Variants in SOS2 observed in about 807,000 individuals in gnomAD.
SOS2 encodes the protein son of sevenless homolog 2.
A neutral mutation model predicts 148.2 loss-of-function variants in SOS2; 65 were observed. The ratio of observed to expected loss-of-function variants is 0.44; its 90% CI spans 0.36 to 0.54. The LOEUF (loss-of-function observed/expected upper bound fraction) is 0.54. Among genes scored for constraint, SOS2 ranks in the 20% least tolerant of loss-of-function variants. The pLI is 0.00. For synonymous variants in SOS2, 539 were observed against 537.1 expected (o/e 1.00, Z -0.05); for missense variants, 1,341 against 1,590.2 (o/e 0.84, Z 2.67).
At chr14:50,160,845 C>T (rs947670540) in intron 9 of SOS2, among the ~76,000 whole-genome samples, 4 of 151,878 alleles carry the variant, frequency 2.6e-5, no homozygotes, top group Admixed American at 6.6e-5. Context: ...ACAAAAAATA[C>T]AAAAATTAGG....
intron 18 of SOS2, among the ~76,000 whole-genome samples, chr14:50,134,933 C>T (rs1239941265): frequency 6.6e-6 from 1 of 151,370 alleles, no homozygotes; most frequent in African/African-American, 2.4e-5. Flanking sequence ...ATTAGCTGGG[C>T]GTGGTGGCGC....
intron 4 of SOS2, among the ~76,000 whole-genome samples, chr14:50,189,859 T>TA (rs1034869228): frequency 3.8e-4 from 58 of 151,626 alleles, no homozygotes; most frequent in Non-Finnish European, 6.5e-4. Context: ...TATTTTTTTT[T>TA]TTTTTGTGAG....
In SOS2 at chr14:50,130,614, T is replaced by C. The variant is rs1446775031; in HGVS notation, c.3224A>G (p.Glu1075Gly). The C allele has an allele frequency of 6.2e-7, 1 of 1,614,150 alleles. No homozygotes were observed. The highest frequency in any genetic ancestry group is 1.7e-5 in the Admixed American group (1 of 60,006). The change falls in exon 20 of 23, where the codon GAG becomes GGG. Residue 1075 changes from glutamate to glycine, a missense_variant. Transcript: ENST00000216373. Reference sequence around the variant, plus strand: ...TGGTGCTGACACTGTTGATTCCAGCTCAGTTTCAGCAATCCGACTAAAGCT... The same window carrying C: ...TGGTGCTGACACTGTTGATTCCAGCCCAGTTTCAGCAATCCGACTAAAGCT... Reference protein sequence around the residue: ...KISFSRIAETELESTVSAPTS... With the variant: ...KISFSRIAETGLESTVSAPTS...
At position 50,207,388 on chromosome 14, in the gene SOS2, G is replaced by A. The variant is rs189490447; in HGVS notation, c.88-2979C>T. 4.4e-4 allele frequency among the ~76,000 whole-genome samples: 67 copies of A among 152,126 alleles called. No individual in the cohort carries two copies. In the East Asian group the frequency reaches 0.01, roughly 24 times the overall value. Reference sequence around the variant, plus strand: ...TAGCTGGGCATGGTGGCATATGCCTGTAGTCCCAGCTACTCAGAAGGCTAA... The same window carrying A: ...TAGCTGGGCATGGTGGCATATGCCTATAGTCCCAGCTACTCAGAAGGCTAA... On this transcript the variant is annotated intron_variant, in intron 1 of 22. Transcript: ENST00000216373.
chr14:50,207,104 GA>G (rs1444457308), intron 1 of SOS2, among the ~76,000 whole-genome samples: 2 of 152,102 alleles, frequency 1.3e-5, no homozygotes, highest in African/African-American at 4.8e-5. Context: ...AAACATAAAG[GA>G]AGCAATACAA....
intron 21 of SOS2, among the ~76,000 whole-genome samples, chr14:50,124,360 T>C (rs956743542): frequency 6.6e-6 from 1 of 152,194 alleles, no homozygotes. Flanking sequence ...TGAATCTTCA[T>C]GCATGTAACT....
At position 50,139,993 on chromosome 14, in the gene SOS2, T is replaced by C; in HGVS notation, c.2734A>G (p.Lys912Glu). Residue 912 changes from lysine (K) to glutamate (E), a missense_variant, in exon 17 of 23, where the codon AAA (lysine) becomes GAA (glutamate). This residue lies in a region of SOS2 where 408 missense variants were observed against 506.6 expected (regional missense o/e 0.81). Coordinates refer to ENST00000216373, the MANE Select transcript of SOS2 (RefSeq NM_006939.4). ...AVELSQDHFK[K>E]YLVKLKSINP... ...ATTGACTTAAGTTTTACTAGGTATT[T>C]TTTAAAGTGATCTTGACTTAATTCC... is the stretch of plus-strand genomic sequence containing the variant. 6.2e-7 allele frequency: 1 copy of C among 1,609,712 alleles called. No individual in the cohort carries two copies. The highest frequency in any genetic ancestry group is 1.7e-4 in the Middle Eastern group (1 of 6,036).
chr14:50,160,379 C>CTTTTTTTTTTTTTTTTTTTTTTT, intron 9 of SOS2, among the ~76,000 whole-genome samples: 1 of 78,852 alleles, frequency 1.3e-5, no homozygotes, highest in Non-Finnish European at 2.4e-5. Context: ...CAATGCTAAT[C>CTTTTTTTTTTTTTTTTTTTTTTT]TTTTTTTTTT....
chr14:50,120,117 G>A (rs1256428326), intron 22 of SOS2, among the ~76,000 whole-genome samples, 158 bp downstream of exon 22: 1 of 152,092 alleles, frequency 6.6e-6, no homozygotes, highest in Non-Finnish European at 1.5e-5. Context: ...GTTTTTATAA[G>A]GATTAAACAA....
chr14:50,227,562 C>T (rs939239036), intron 1 of SOS2, among the ~76,000 whole-genome samples: 13 of 152,062 alleles, frequency 8.5e-5, no homozygotes, highest in East Asian at 1.9e-4. Flanking sequence ...TACAGGCGTC[C>T]GCCACCACGC....
intron 2 of SOS2, among the ~76,000 whole-genome samples, chr14:50,203,617 CAT>C (rs1886570245): frequency 2.0e-5 from 3 of 151,514 alleles, no homozygotes; most frequent in African/African-American, 4.9e-5. Context: ...TACACACACA[CAT>C]ACATATACAT....
chr14:50,158,607 G>T lies in SOS2; in HGVS notation c.1892C>A (p.Ser631Ter). ...CAGCAATTCCTGTGGTTTACAAAAT[G>T]AACGATATGTGGTAAGAAAAGTACG... ...FVRTFLTTYR[S>*]FCKPQELLSL... is the part of the protein sequence containing the mutation. Residue 631 changes from serine (S) to a stop codon, truncating the protein, a stop_gained, in exon 11 of 23, where the codon TCA becomes TAA. Coordinates refer to ENST00000216373, the MANE Select transcript of SOS2 (RefSeq NM_006939.4). LOFTEE classifies it high-confidence loss of function. 1.2e-6 allele frequency: 2 copies of T among 1,609,486 alleles called. No homozygotes were observed. Among genetic ancestry groups the T allele is most frequent in the South Asian group, 2.2e-5 (2 of 90,308 alleles).
rs1464976464 is a variant in SOS2 at position 50,153,250 on chromosome 14, T to G, written c.2058-77A>C. On this transcript the variant is annotated intron_variant, in intron 12 of 22. Coordinates refer to ENST00000216373, the MANE Select transcript of SOS2 (RefSeq NM_006939.4). ...ACTTCTTCCTTCTCTAATGCCACGATAATAGCTTTACATACAAGGGTCAAC... is the reference window on the plus strand; with the variant it reads ...ACTTCTTCCTTCTCTAATGCCACGAGAATAGCTTTACATACAAGGGTCAAC... 14 of 770,040 alleles carry G rather than the reference T, an allele frequency of 1.8e-5. No individual in the cohort carries two copies. The Admixed American group carries it at 3.0e-4, about 16-fold the overall frequency. 47.7% of individuals were successfully genotyped at this position (770,040 alleles called of 1,614,324 possible).
chr14:50,138,515 G>C (rs1341162009), intron 18 of SOS2, 97 bp downstream of exon 18: 4 of 550,406 alleles, frequency 7.3e-6, no homozygotes, highest in Admixed American at 3.2e-5. Flanking sequence ...TAGTCACCCT[G>C]TTGTGCGATC....
At chr14:50,205,906 T>C (rs1886645176) in intron 1 of SOS2, among the ~76,000 whole-genome samples, 1 of 81,992 alleles carries the variant, frequency 1.2e-5, no homozygotes, top group Admixed American at 9.7e-5. Flanking sequence ...GGCAACTCCA[T>C]CTCAAAAAAA....
chr14:50,159,699 A>G lies in SOS2; in HGVS notation c.1584T>C (p.Ser528=), dbSNP rs374642561. The G allele has an allele frequency of 5.0e-6, 8 of 1,614,018 alleles. No homozygotes were observed. In the African/African-American group the frequency reaches 1.1e-4, roughly 22 times the overall value. ...CCATCCAGTTGTTTTTTTCTTCAGC[A>G]GACTTAGCAGCAAATATTATGCTGT... ...DENSIIFAAK[S]AEEKNNWMAA... Residue 528 remains serine, a synonymous_variant, in exon 10 of 23, where the codon TCT becomes TCC. Transcript: ENST00000216373.
chr14:50,164,746 T>A (rs1490974008), intron 8 of SOS2, among the ~76,000 whole-genome samples: 1 of 152,258 alleles, frequency 6.6e-6, no homozygotes. Flanking sequence ...CTGACCTCCT[T>A]ATCCACCCGG....
chr14:50,191,864 A>G (rs1015654508), intron 4 of SOS2, among the ~76,000 whole-genome samples: 2 of 152,168 alleles, frequency 1.3e-5, no homozygotes, highest in African/African-American at 4.8e-5. Flanking sequence ...AAATAATTCA[A>G]AAATTTAAAA....
intron 1 of SOS2, among the ~76,000 whole-genome samples, chr14:50,215,707 C>T (rs532613440): frequency 6.6e-6 from 1 of 150,700 alleles, no homozygotes; most frequent in Admixed American, 6.6e-5. Flanking sequence ...CACATGTACC[C>T]TAAAACTTAA....
Sources: gnomAD v4.1 joint callset for allele counts (sites outside exome capture counted in the v4.1 genomes callset) on GRCh38, gnomAD v4.1.1 for gene constraint, gnomAD v4.1.1 regional missense constraint, MANE v1.5 for transcripts, NCBI Gene and HGNC (gene_info 2026-07-23, HGNC 2026-07-21) for gene names.